Variants in PARVA observed in about 807,000 individuals in gnomAD.
PARVA encodes alpha-parvin.
In PARVA, 25 loss-of-function variants were observed where a neutral mutation model predicts 52.6. The ratio of observed to expected loss-of-function variants is 0.48; its 90% CI spans 0.35 to 0.66. PARVA has a LOEUF of 0.66. Among genes scored for constraint, PARVA ranks in the 30% least tolerant of loss-of-function variants. The pLI, the probability that PARVA is intolerant of heterozygous loss-of-function variation, is 0.01. For synonymous variants in PARVA, 185 were observed against 179.1 expected (o/e 1.03, Z -0.26); for missense variants, 373 against 450.9 (o/e 0.83, Z 1.56).
At chr11:12,394,959 C>T (rs1939716671) in intron 1 of PARVA, among the ~76,000 whole-genome samples, 1 of 152,126 alleles carries the variant, frequency 6.6e-6, no homozygotes, top group Non-Finnish European at 1.5e-5. Context: ...GGCGTGGTGG[C>T]TCATGCCTTT....
chr11:12,455,167 A>C lies in PARVA; in HGVS notation c.137-18578A>C, dbSNP rs185225539. Among the ~76,000 whole-genome samples, 143 of 152,320 alleles carry C rather than the reference A, an allele frequency of 9.4e-4. 1 individual carries two copies. The highest frequency in any genetic ancestry group is 5.6e-4 in the Non-Finnish European group (38 of 68,032). Reference sequence around the variant, plus strand: ...TGATGGTGGTGTGTCTCTTCAGGGAAGATGGGGAAGCATTACTTCTGGTTG... The same window carrying C: ...TGATGGTGGTGTGTCTCTTCAGGGACGATGGGGAAGCATTACTTCTGGTTG... On this transcript the variant is annotated intron_variant, in intron 1 of 12. Transcript: ENST00000334956.
At chr11:12,491,694 C>A (rs1941235544) in intron 4 of PARVA, among the ~76,000 whole-genome samples, 1 of 152,028 alleles carries the variant, frequency 6.6e-6, no homozygotes, top group South Asian at 2.1e-4. Flanking sequence ...TTTTGTATAT[C>A]AAATATTTAA....
intron 1 of PARVA, among the ~76,000 whole-genome samples, chr11:12,446,893 C>A (rs76137353): frequency 0.029 from 4,474 of 152,274 alleles, 211 homozygotes; most frequent in African/African-American, 0.1. Context: ...AAGAACATGG[C>A]TATGACTCCT....
chr11:12,529,216 G>A lies in PARVA; in HGVS notation c.*1291G>A, dbSNP rs1941742082. On this transcript the variant is annotated 3_prime_UTR_variant, in exon 13 of 13. Coordinates refer to ENST00000334956, the MANE Select transcript of PARVA (RefSeq NM_018222.5). Reference sequence around the variant, plus strand: ...CCAAAGCCAAGCAGTTTCTTTGCGTGGGTTACTCAAGGGCTTGTGGTTACT... The same window carrying A: ...CCAAAGCCAAGCAGTTTCTTTGCGTAGGTTACTCAAGGGCTTGTGGTTACT... The A allele has an allele frequency of 6.6e-6, 1 of 152,164 alleles. No individual in the cohort carries two copies. The highest frequency in any genetic ancestry group is 2.1e-4 in the South Asian group (1 of 4,826). 9.4% of individuals were successfully genotyped at this position (152,164 alleles called of 1,614,324 possible).
At chr11:12,388,452 T>G (rs187019819) in intron 1 of PARVA, among the ~76,000 whole-genome samples, 40 of 152,324 alleles carry the variant, frequency 2.6e-4, no homozygotes, top group African/African-American at 7.7e-4. Context: ...CAGTGAACTT[T>G]TATCAGCTTA....
Position 12,517,841 on chromosome 11 carries a change from G to C in PARVA, c.969+130G>C, listed in dbSNP as rs894598797. On this transcript the variant is annotated intron_variant, in intron 11 of 12. Coordinates refer to ENST00000334956, the MANE Select transcript of PARVA (RefSeq NM_018222.5). ...CTGCTCAACGTCTTCAGTGCCTGGAGGTGGGACCCATTATAAGAGCTGAGC... is the reference window on the plus strand; with the variant it reads ...CTGCTCAACGTCTTCAGTGCCTGGACGTGGGACCCATTATAAGAGCTGAGC... 7.6e-6 allele frequency: 5 copies of C among 657,848 alleles called. No individual in the cohort carries two copies. In the Admixed American group the frequency reaches 9.6e-5, roughly 13 times the overall value. The allele number at this position is 657,848 out of a possible 1,614,324, so 40.8% of individuals were successfully genotyped here. A position where few individuals can be genotyped will look rare whatever the true frequency, so the allele number is the denominator to read the frequency against.
intron 5 of PARVA, among the ~76,000 whole-genome samples, chr11:12,499,233 C>T (rs1941336559): frequency 1.3e-5 from 2 of 152,138 alleles, no homozygotes; most frequent in South Asian, 4.1e-4. Context: ...AAGAGCTGGG[C>T]TTATTTACAA....
chr11:12,377,618 C>G lies in PARVA; in HGVS notation c.-30C>G, dbSNP rs1304558761. ...TCCGCCCAGCGCCAGCTCCGCGTCCCGACCGGCCCGCGGCAGCCTGCGCCG... is the reference window on the plus strand; with the variant it reads ...TCCGCCCAGCGCCAGCTCCGCGTCCGGACCGGCCCGCGGCAGCCTGCGCCG... On this transcript the variant is annotated 5_prime_UTR_variant, in exon 1 of 13. Coordinates refer to ENST00000334956, the MANE Select transcript of PARVA (RefSeq NM_018222.5). 2.6e-6 allele frequency: 4 copies of G among 1,557,438 alleles called. No homozygotes were observed. Among genetic ancestry groups the G allele is most frequent in the Non-Finnish European group, 3.5e-6 (4 of 1,158,228 alleles).
At chr11:12,389,872 G>T (rs540681272) in intron 1 of PARVA, among the ~76,000 whole-genome samples, 2 of 152,320 alleles carry the variant, frequency 1.3e-5, no homozygotes, top group African/African-American at 4.8e-5. Flanking sequence ...GGAGGACGTG[G>T]ATGCTCTCCC....
chr11:12,417,270 TAA>T (rs1940080104), intron 1 of PARVA, among the ~76,000 whole-genome samples: 1 of 152,206 alleles, frequency 6.6e-6, no homozygotes, highest in Non-Finnish European at 1.5e-5. Flanking sequence ...AAATAAACTA[TAA>T]GTCTAATATG....
upstream of PARVA, chr11:12,376,671 G>C: frequency 1.1e-6 from 1 of 935,404 alleles, no homozygotes; most frequent in East Asian, 1.2e-4. Context: ...TTGCCAAGGT[G>C]CTGTGAGTCT....
In PARVA at chr11:12,529,647, C is replaced by T. The variant is rs1941747234; in HGVS notation, c.*1722C>T. ...ATCTACACCACCCAAAGTTAGGCCT[C>T]CTATAATGTCCAAAACATTCCTTTC... On this transcript the variant is annotated 3_prime_UTR_variant, in exon 13 of 13. Coordinates refer to ENST00000334956, the MANE Select transcript of PARVA (RefSeq NM_018222.5). The T allele has an allele frequency of 1.3e-5, 2 of 152,198 alleles. No homozygotes were observed. The highest frequency in any genetic ancestry group is 4.8e-5 in the African/African-American group (2 of 41,448). 9.4% of individuals were successfully genotyped at this position (152,198 alleles called of 1,614,324 possible).
chr11:12,417,117 G>A (rs184935824), intron 1 of PARVA, among the ~76,000 whole-genome samples: 8 of 152,238 alleles, frequency 5.3e-5, no homozygotes, highest in East Asian at 3.9e-4. Flanking sequence ...CAGTGAAATC[G>A]ACTGATTAGG....
chr11:12,513,283 T>C lies in PARVA; in HGVS notation c.737-16T>C. ...ATCAGCTCTTGTGCTCCACATTGTG[T>C]TTCCCTCTTTTTCAGAACGTGATGC... On this transcript the variant is annotated splice_polypyrimidine_tract_variant and intron_variant, in intron 8 of 12. Transcript: ENST00000334956. The C allele has an allele frequency of 6.2e-7, 1 of 1,612,840 alleles. No homozygotes were observed. The highest frequency in any genetic ancestry group is 8.5e-7 in the Non-Finnish European group (1 of 1,178,922).
chr11:12,451,049 C>G (rs1450210672), intron 1 of PARVA, among the ~76,000 whole-genome samples: 4 of 152,186 alleles, frequency 2.6e-5, no homozygotes, highest in Non-Finnish European at 2.9e-5. Context: ...AGTTGATACT[C>G]TATGTTAACC....
chr11:12,442,618 G>T (rs1258090850), intron 1 of PARVA, among the ~76,000 whole-genome samples: 2 of 151,934 alleles, frequency 1.3e-5, no homozygotes, highest in African/African-American at 4.8e-5. Flanking sequence ...CTGTCCACAG[G>T]TACATTGACT....
At position 12,533,382 on chromosome 11, in the gene PARVA, G is replaced by A. The variant is rs1451668878; in HGVS notation, c.*5457G>A. On this transcript the variant is annotated 3_prime_UTR_variant, in exon 13 of 13. Transcript: ENST00000334956. Reference sequence around the variant, plus strand: ...CAAACTATAAGCAAGCCTCCTGGATGTGGAATAATACATTTTCAAAATTCA... The same window carrying A: ...CAAACTATAAGCAAGCCTCCTGGATATGGAATAATACATTTTCAAAATTCA... Among the ~76,000 whole-genome samples, 1 of 152,192 alleles carries A rather than the reference G, an allele frequency of 6.6e-6. No homozygotes were observed. The highest frequency in any genetic ancestry group is 1.5e-5 in the Non-Finnish European group (1 of 68,046).
chr11:12,434,931 CCAGTCCT>C (rs1940366618), intron 1 of PARVA, among the ~76,000 whole-genome samples: 1 of 152,182 alleles, frequency 6.6e-6, no homozygotes, highest in Non-Finnish European at 1.5e-5. Context: ...TAACATAACC[CCAGTCCT>C]CAGTCCGCCA....
At chr11:12,468,540 T>A (rs867426351) in intron 1 of PARVA, among the ~76,000 whole-genome samples, 1 of 152,230 alleles carries the variant, frequency 6.6e-6, no homozygotes, top group African/African-American at 2.4e-5. Context: ...AGAATCCTGG[T>A]ATCCCCATGT....
Sources: allele counts gnomAD v4.1 joint callset (sites outside exome capture counted in the v4.1 genomes callset), GRCh38; gene constraint gnomAD v4.1.1; transcripts MANE v1.5; gene names NCBI Gene and HGNC (gene_info 2026-07-23, HGNC 2026-07-21).